PALLD: variants seen among roughly 807,000 people sequenced by gnomAD.
PALLD encodes the protein palladin, cytoskeletal associated protein, also known as palladin.
PALLD carries 61 observed loss-of-function variants against 123.5 expected under a neutral mutation model. That is an observed-to-expected ratio of 0.49 (90% CI 0.40 to 0.61). The LOEUF (loss-of-function observed/expected upper bound fraction) is 0.61. PALLD is among the 20% of genes least tolerant of loss of function. The pLI is 0.00. For synonymous variants in PALLD, 465 were observed against 496.4 expected, an observed-to-expected ratio of 0.94 and a Z score of 0.84; for missense variants, 1,273 against 1,377.0, an observed-to-expected ratio of 0.92 and a Z score of 1.20.
At chr4:168,681,601 G>A (rs1561391934) in intron 4 of PALLD, among the ~76,000 whole-genome samples, 1 of 142,684 alleles carries the variant, frequency 7.0e-6, no homozygotes. Flanking sequence ...GTTGAAGTAC[G>A]GTGGTGCGAC....
intron 10 of PALLD, among the ~76,000 whole-genome samples, chr4:168,754,140 G>C (rs1195784147): frequency 6.6e-6 from 1 of 152,154 alleles, no homozygotes; most frequent in Non-Finnish European, 1.5e-5. Context: ...ATTTGAAGAA[G>C]GTTGCAAACT....
At chr4:168,658,431 C>A (rs1257560992) in intron 2 of PALLD, among the ~76,000 whole-genome samples, 1 of 151,942 alleles carries the variant, frequency 6.6e-6, no homozygotes, top group African/African-American at 2.4e-5. Flanking sequence ...ACTACTGACA[C>A]GTGCCACCAT....
At chr4:168,770,414 C>G (rs1189989148) in intron 10 of PALLD, among the ~76,000 whole-genome samples, 1 of 152,144 alleles carries the variant, frequency 6.6e-6, no homozygotes, top group Non-Finnish European at 1.5e-5. Context: ...CCGTGGGTAG[C>G]TCTCCAGTGC....
At chr4:168,526,523 T>G (rs1037349585) in intron 2 of PALLD, among the ~76,000 whole-genome samples, 6 of 151,758 alleles carry the variant, frequency 4.0e-5, no homozygotes, top group African/African-American at 1.5e-4. Flanking sequence ...CTCCCCATAT[T>G]TAGTGCTATC....
At chr4:168,556,879 GTGGCTACTTCTGCCTGT>G (rs1168203898) in intron 2 of PALLD, among the ~76,000 whole-genome samples, 2 of 152,114 alleles carry the variant, frequency 1.3e-5, no homozygotes, top group African/African-American at 4.8e-5. Flanking sequence ...CCTAGAAGAA[GTGGCTACTTCTGCCTGT>G]GGTTTATAGC....
chr4:168,765,085 G>A (rs1414502755), intron 10 of PALLD, among the ~76,000 whole-genome samples: 2 of 152,130 alleles, frequency 1.3e-5, no homozygotes, highest in Non-Finnish European at 2.9e-5. Flanking sequence ...TTAGGAATCA[G>A]AAAAAGTTAG....
chr4:168,829,003 C>A (rs571281609), intron 10 of PALLD: 3 of 152,376 alleles, frequency 2.0e-5, no homozygotes, highest in African/African-American at 7.2e-5. Context: ...TGATCAGAAT[C>A]TTCAGTGTTC....
chr4:168,578,535 C>T (rs34206477), intron 2 of PALLD, among the ~76,000 whole-genome samples: 31,132 of 151,978 alleles, frequency 0.2, 3,769 homozygotes, highest in East Asian at 0.48. Flanking sequence ...TGAGGCTTCC[C>T]CAGCTGTGCT....
At chr4:168,507,981 C>T (rs1044352318) in intron 1 of PALLD, among the ~76,000 whole-genome samples, 3 of 152,222 alleles carry the variant, frequency 2.0e-5, no homozygotes, top group Admixed American at 1.3e-4. Flanking sequence ...ATCCCTCACA[C>T]ATCATTCTTT....
In PALLD at chr4:168,565,023, C is replaced by CAA. The variant is rs761594759; in HGVS notation, c.908+52630_908+52631dup. Among the ~76,000 whole-genome samples the CAA allele has an allele frequency of 1.1e-3, 131 of 116,032 alleles. 1 individual carries two copies. The highest frequency in any genetic ancestry group is 2.4e-3 in the African/African-American group (73 of 29,828). The allele number at this position is 116,032 out of a possible 152,430, so 76.1% of individuals were successfully genotyped here. ...CAACATGGTGAAACCCCATCTCTAC[C>CAA]AAAAAAAAAAAAAAAAAAAATTCGC... On this transcript the variant is annotated intron_variant, in intron 2 of 21. Transcript: ENST00000505667.
intron 10 of PALLD, among the ~76,000 whole-genome samples, chr4:168,821,739 G>A (rs1203099547): frequency 6.6e-6 from 1 of 151,926 alleles, no homozygotes; most frequent in African/African-American, 2.4e-5. Flanking sequence ...AACTAGCCGG[G>A]CATGGTGGCG....
intron 10 of PALLD, among the ~76,000 whole-genome samples, chr4:168,732,310 T>G (rs1787258091): frequency 6.6e-6 from 1 of 152,198 alleles, no homozygotes; most frequent in African/African-American, 2.4e-5. Context: ...GGCAGGTGAT[T>G]GATTGACTTA....
At chr4:168,785,846 G>GATATATATAT (rs6148775) in intron 10 of PALLD, among the ~76,000 whole-genome samples, 1,242 of 80,744 alleles carry the variant, frequency 0.015, 57 homozygotes, top group Middle Eastern at 0.021. Flanking sequence ...AAACTGTAGA[G>GATATATATAT]ATATATATAT....
chr4:168,681,733 A>G (rs1004101905), intron 4 of PALLD, among the ~76,000 whole-genome samples: 3 of 151,694 alleles, frequency 2.0e-5, no homozygotes, highest in African/African-American at 7.3e-5. Flanking sequence ...TTTTTGGTAG[A>G]GATGGGGTCT....
At position 168,927,438 on chromosome 4, in the gene PALLD, G is replaced by C. The variant is rs1762701982; in HGVS notation, c.*1258G>C. 1 of 232,792 alleles carries C rather than the reference G, an allele frequency of 4.3e-6. No individual in the cohort carries two copies. The highest frequency in any genetic ancestry group is 5.6e-5 in the Admixed American group (1 of 17,768). 14.4% of individuals were successfully genotyped at this position (232,792 alleles called of 1,614,324 possible). ...GCTGTGGAGATTGCAGTGTGTCTGA[G>C]GTTTGTGTAGTAGTGGAAGATTTTA... On this transcript the variant is annotated 3_prime_UTR_variant, in exon 22 of 22. Coordinates refer to ENST00000505667, the MANE Select transcript of PALLD (RefSeq NM_001166108.2).
intron 10 of PALLD, among the ~76,000 whole-genome samples, chr4:168,817,857 G>C (rs1014469035): frequency 6.6e-6 from 1 of 152,136 alleles, no homozygotes; most frequent in African/African-American, 2.4e-5. Flanking sequence ...TAAATTGTTG[G>C]CAACTCTAGG....
chr4:168,927,001 A>AT lies in PALLD; in HGVS notation c.*829dup, dbSNP rs886059211. On this transcript the variant is annotated 3_prime_UTR_variant, in exon 22 of 22. Transcript: ENST00000505667. ...CAAGGTTAATACCTTAGTTCTTAAC[A>AT]TTTTTTTTCTTTATGTGTAGTGTTT... 6.9e-5 allele frequency: 15 copies of AT among 218,916 alleles called. No individual in the cohort carries two copies. Among genetic ancestry groups the AT allele is most frequent in the Non-Finnish European group, 1.2e-4 (13 of 108,794 alleles). 13.6% of individuals were successfully genotyped at this position (218,916 alleles called of 1,614,324 possible).
chr4:168,792,378 C>T (rs1419585921), intron 10 of PALLD, among the ~76,000 whole-genome samples: 1 of 152,016 alleles, frequency 6.6e-6, no homozygotes, highest in Non-Finnish European at 1.5e-5. Context: ...TTGAGGAAAA[C>T]AGAACTAACC....
intron 2 of PALLD, among the ~76,000 whole-genome samples, chr4:168,649,154 G>A (rs1308466156): frequency 1.3e-5 from 2 of 152,180 alleles, no homozygotes; most frequent in African/African-American, 2.4e-5. Flanking sequence ...CCAGCCTGAC[G>A]TGTCACATTC....
Sources: allele counts gnomAD v4.1 joint callset (sites outside exome capture counted in the v4.1 genomes callset), GRCh38; gene constraint gnomAD v4.1.1; transcripts MANE v1.5; gene names NCBI Gene and HGNC (gene_info 2026-07-23, HGNC 2026-07-21).